The following DPYSL2 variants were observed in gnomAD, a reference collection of about 807,000 sequenced individuals.
DPYSL2 encodes the protein dihydropyrimidinase-related protein 2.
In DPYSL2, 13 loss-of-function variants were observed where a neutral mutation model predicts 69.9. The observed-to-expected ratio is 0.19, with a 90% CI of 0.12 to 0.30. The LOEUF is 0.30. DPYSL2 is among the 10% of genes least tolerant of loss of function. The pLI, the probability that DPYSL2 is intolerant of heterozygous loss-of-function variation, is 1.00. For missense variants in DPYSL2, 587 were observed against 918.9 expected (o/e 0.64, Z 4.67); for synonymous variants, 326 against 359.1 (o/e 0.91, Z 1.04).
intron 1 of DPYSL2, among the ~76,000 whole-genome samples, chr8:26,540,233 A>C (rs1344734191): frequency 1.3e-5 from 2 of 152,012 alleles, no homozygotes; most frequent in Non-Finnish European, 2.9e-5. Context: ...TGAGAAATTC[A>C]GTAAACAGCT....
chr8:26,559,212 G>A (rs1801036664), intron 1 of DPYSL2, among the ~76,000 whole-genome samples: 7 of 152,186 alleles, frequency 4.6e-5, no homozygotes. Flanking sequence ...CAAAGTGCTA[G>A]GATTACAGGT....
chr8:26,564,583 A>G lies in DPYSL2; in HGVS notation c.355-17386A>G, dbSNP rs1262416096. ...TTATTCCATTTGTGATTCCTCATTC[A>G]GCACTGGGCTCTCCAGCCAGACTGA... On this transcript the variant is annotated intron_variant, in intron 1 of 13. Coordinates refer to ENST00000521913, the MANE Select transcript of DPYSL2 (RefSeq NM_001197293.3). The surrounding 1 kb of genome is among the most constrained non-coding windows in gnomAD (Gnocchi z 4.8). 3.3e-5 allele frequency among the ~76,000 whole-genome samples: 5 copies of G among 152,150 alleles called. No homozygotes were observed. The highest frequency in any genetic ancestry group is 7.4e-5 in the Non-Finnish European group (5 of 68,018).
In DPYSL2 at chr8:26,640,799, C is replaced by T. The variant is rs1803023831; in HGVS notation, c.1127-2640C>T. ...CCATCCCTCCCCTGGCATCCACTGC[C>T]CCTGCCCCTGAATGTCCCTATCTTT... On this transcript the variant is annotated intron_variant, in intron 8 of 13. Transcript: ENST00000521913. This position sits in a 1 kb window ranked among gnomAD's most constrained non-coding sequence, Gnocchi z 4.2. Among the ~76,000 whole-genome samples the T allele has an allele frequency of 6.6e-6, 1 of 152,172 alleles. No homozygotes were observed. Among genetic ancestry groups the T allele is most frequent in the Non-Finnish European group, 1.5e-5 (1 of 68,038 alleles).
intron 1 of DPYSL2, among the ~76,000 whole-genome samples, chr8:26,529,030 A>G (rs1800438969): frequency 6.6e-6 from 1 of 152,148 alleles, no homozygotes; most frequent in Non-Finnish European, 1.5e-5. Context: ...TGCATATGAA[A>G]GACATGCCTG....
intron 8 of DPYSL2, among the ~76,000 whole-genome samples, chr8:26,636,240 A>G (rs577575719): frequency 1.4e-4 from 22 of 152,244 alleles, no homozygotes; most frequent in Non-Finnish European, 3.1e-4. Context: ...GATATTGTGG[A>G]TGACGATGGA....
intron 1 of DPYSL2, among the ~76,000 whole-genome samples, chr8:26,563,512 C>T (rs1801105230): frequency 6.6e-6 from 1 of 152,198 alleles, no homozygotes; most frequent in Non-Finnish European, 1.5e-5. Flanking sequence ...AAGTCTAGAA[C>T]TCTGCTGCCT....
In DPYSL2 at chr8:26,595,308, AT is replaced by A. The variant is rs573304221; in HGVS notation, c.628+11335del. On this transcript the variant is annotated intron_variant, in intron 3 of 13. Coordinates refer to ENST00000521913, the MANE Select transcript of DPYSL2 (RefSeq NM_001197293.3). ...GAAAATAAAAATTTTACTTTTCGCTATTTTTTTTTTCCTCCTCCAAATAATC... is the reference window on the plus strand; with the variant it reads ...GAAAATAAAAATTTTACTTTTCGCTATTTTTTTTTCCTCCTCCAAATAATC... Among the ~76,000 whole-genome samples, 488 of 149,456 alleles carry A rather than the reference AT, an allele frequency of 3.3e-3. 3 individuals carry two copies. The highest frequency in any genetic ancestry group is 0.011 in the African/African-American group (442 of 40,790).
chr8:26,556,129 TA>T (rs1373242605), intron 1 of DPYSL2, among the ~76,000 whole-genome samples: 2 of 870 alleles, frequency 2.3e-3, no homozygotes, highest in African/African-American at 4.6e-3. Flanking sequence ...ATATATATTA[TA>T]TATACTATAT....
At chr8:26,553,973 C>A (rs970301473) in intron 1 of DPYSL2, among the ~76,000 whole-genome samples, 46 of 140,984 alleles carry the variant, frequency 3.3e-4, no homozygotes, top group African/African-American at 1.2e-3. Flanking sequence ...ATCTCTGCAA[C>A]CTCTGCTTTC....
intron 3 of DPYSL2, among the ~76,000 whole-genome samples, chr8:26,618,889 C>T (rs1030847527): frequency 6.6e-6 from 1 of 151,752 alleles, no homozygotes; most frequent in African/African-American, 2.4e-5. Context: ...ACCCAGGAGG[C>T]GGAGGTTGCA....
In DPYSL2 at chr8:26,653,154, T is replaced by G; in HGVS notation, c.1777-78T>G. On this transcript the variant is annotated intron_variant, in intron 12 of 13. Coordinates refer to ENST00000521913, the MANE Select transcript of DPYSL2 (RefSeq NM_001197293.3). This position sits in a 1 kb window ranked among gnomAD's most constrained non-coding sequence, Gnocchi z 5.7. ...TCCATCCCTAGATCTCACAGGCCCA[T>G]CCTCCCTCCAGGAGGGTTTCTAGAG... 1 of 1,510,246 alleles carries G rather than the reference T, an allele frequency of 6.6e-7. No individual in the cohort carries two copies. Among genetic ancestry groups the G allele is most frequent in the East Asian group, 2.3e-5 (1 of 43,150 alleles). The allele number at this position is 1,510,246 out of a possible 1,614,324, so 93.6% of individuals were successfully genotyped here. A position where few individuals can be genotyped will look rare whatever the true frequency, so the allele number is the denominator to read the frequency against.
intron 1 of DPYSL2, among the ~76,000 whole-genome samples, chr8:26,529,626 T>C (rs1053408137): frequency 4.6e-5 from 7 of 152,140 alleles, no homozygotes; most frequent in Non-Finnish European, 7.3e-5. Context: ...ATAATTTTTC[T>C]TTTAAAAACT....
rs139755949 is a variant in DPYSL2, at chr8:26,647,411, T to C, written c.1426-219T>C. ...ACCCTGGAAGAACCCATCTAGCCCC[T>C]CATCTGTTCTCCATCTCTACCATTT... On this transcript the variant is annotated intron_variant, in intron 10 of 13. Coordinates refer to ENST00000521913, the MANE Select transcript of DPYSL2 (RefSeq NM_001197293.3). The surrounding 1 kb of genome is among the most constrained non-coding windows in gnomAD (Gnocchi z 5.1). Among the ~76,000 whole-genome samples the C allele has an allele frequency of 9.3e-4, 142 of 152,280 alleles. No individual in the cohort carries two copies. Among genetic ancestry groups the C allele is most frequent in the African/African-American group, 3.3e-3 (139 of 41,552 alleles).
chr8:26,543,491 G>GTTT (rs35290709), intron 1 of DPYSL2, among the ~76,000 whole-genome samples: 1 of 143,818 alleles, frequency 7.0e-6, no homozygotes. Flanking sequence ...CTCTACCTTG[G>GTTT]TTTTTTTTTT....
rs1808315400 is a variant in DPYSL2 at position 26,517,706 on chromosome 8, G to A, written c.354+3027G>A. 1.3e-5 allele frequency among the ~76,000 whole-genome samples: 2 copies of A among 152,204 alleles called. No individual in the cohort carries two copies. The highest frequency in any genetic ancestry group is 4.1e-4 in the South Asian group (2 of 4,832). On this transcript the variant is annotated intron_variant, in intron 1 of 13. Coordinates refer to ENST00000521913, the MANE Select transcript of DPYSL2 (RefSeq NM_001197293.3). The surrounding 1 kb of genome is among the most constrained non-coding windows in gnomAD (Gnocchi z 4.2). ...AGAATGCTTTTCAAAGGGGCCTCTAGGCCCTTTTCCCAGCAGCAAACAACC... is the reference window on the plus strand; with the variant it reads ...AGAATGCTTTTCAAAGGGGCCTCTAAGCCCTTTTCCCAGCAGCAAACAACC...
At position 26,620,927 on chromosome 8, in the gene DPYSL2, C is replaced by G. The variant is rs1802466715; in HGVS notation, c.629-3216C>G. 6.6e-6 allele frequency among the ~76,000 whole-genome samples: 1 copy of G among 152,138 alleles called. No homozygotes were observed. The highest frequency in any genetic ancestry group is 6.5e-5 in the Admixed American group (1 of 15,270). On this transcript the variant is annotated intron_variant, in intron 3 of 13. Coordinates refer to ENST00000521913, the MANE Select transcript of DPYSL2 (RefSeq NM_001197293.3). The surrounding 1 kb of genome is among the most constrained non-coding windows in gnomAD (Gnocchi z 4.5). ...ACACACATATGTACACACTTGCATC[C>G]ACATCTACATACACATATTTTACAT...
chr8:26,608,097 T>C (rs1278292229), intron 3 of DPYSL2, among the ~76,000 whole-genome samples: 13 of 150,138 alleles, frequency 8.7e-5, no homozygotes. Flanking sequence ...AAAAAAAAAT[T>C]GTGGAAAATA....
chr8:26,578,241 T>A, intron 1 of DPYSL2: 1 of 1,614,146 alleles, frequency 6.2e-7, no homozygotes, highest in South Asian at 1.1e-5. Flanking sequence ...AATTAATTTT[T>A]TCCCAGGAGA....
chr8:26,649,425 C>T lies in DPYSL2; in HGVS notation c.1596+1625C>T, dbSNP rs566190725. Among the ~76,000 whole-genome samples, 350 of 152,288 alleles carry T rather than the reference C, an allele frequency of 2.3e-3. 5 individuals carry two copies. In the South Asian group the frequency reaches 0.027, roughly 12 times the overall value. ...CATTTGGAGTTCTTAACCTAGAAGA[C>T]GAGACAGTGGGAAGGAGAGAAGATT... On this transcript the variant is annotated intron_variant, in intron 11 of 13. Coordinates refer to ENST00000521913, the MANE Select transcript of DPYSL2 (RefSeq NM_001197293.3).
Sources: allele counts gnomAD v4.1 joint callset (sites outside exome capture counted in the v4.1 genomes callset), GRCh38; gene constraint gnomAD v4.1.1; non-coding constraint Gnocchi (gnomAD v3.1); transcripts MANE v1.5; gene names NCBI Gene and HGNC (gene_info 2026-07-23, HGNC 2026-07-21).